NLRC5: variants seen among roughly 807,000 people sequenced by gnomAD.
The protein encoded by NLRC5 is NLR family CARD domain containing 5, also known as protein NLRC5.
NLRC5 carries 114 observed loss-of-function variants against 206.9 expected under a neutral mutation model. That is an observed-to-expected ratio of 0.55 (90% CI 0.47 to 0.64). NLRC5 has a LOEUF of 0.64. Ranked by LOEUF, NLRC5 falls within the 30% of genes least tolerant of loss-of-function variation. The pLI, the probability that NLRC5 is intolerant of heterozygous loss-of-function variation, is 0.00. For synonymous variants in NLRC5, 952 were observed against 962.8 expected (o/e 0.99, Z 0.21); for missense variants, 2,008 against 2,305.5 (o/e 0.87, Z 2.64).
At chr16:57,032,161 G>C (rs1418640767) in intron 11 of NLRC5, among the ~76,000 whole-genome samples, 1 of 151,986 alleles carries the variant, frequency 6.6e-6, no homozygotes, top group Admixed American at 6.6e-5. Context: ...TGTAATCCTA[G>C]CACTTTGGAA....
intron 1 of NLRC5, among the ~76,000 whole-genome samples, chr16:56,999,379 G>T (rs2057999872): frequency 6.6e-6 from 1 of 152,238 alleles, no homozygotes; most frequent in African/African-American, 2.4e-5. Flanking sequence ...AGAAGTCACT[G>T]CTGATTTGCC....
At chr16:57,067,992 T>C (rs568354299) in intron 36 of NLRC5, among the ~76,000 whole-genome samples, 164 bp downstream of exon 36, 1 of 152,366 alleles carries the variant, frequency 6.6e-6, no homozygotes, top group Non-Finnish European at 1.5e-5. Flanking sequence ...TACCTAGTCG[T>C]AAACATGACC....
At chr16:57,079,460 G>A (rs2068853817) in intron 45 of NLRC5, 86 bp from the exon 46 acceptor site, 1 of 1,402,386 alleles carries the variant, frequency 7.1e-7, no homozygotes, top group Non-Finnish European at 1.0e-6. Flanking sequence ...GCTTACCCCA[G>A]ACCCTGGTGG....
chr16:57,079,203 A>T lies in NLRC5; in HGVS notation c.5166-18A>T. 1 of 1,613,946 alleles carries T rather than the reference A, an allele frequency of 6.2e-7. No homozygotes were observed. Among genetic ancestry groups the T allele is most frequent in the South Asian group, 1.1e-5 (1 of 91,082 alleles). On this transcript the variant is annotated intron_variant, in intron 44 of 48. Transcript: ENST00000688547. ...GGGTCTGGGGGTTCCTCTCACAGGTATCTCCCCTACCCTGCAGCTTGGCGG... is the reference window on the plus strand; with the variant it reads ...GGGTCTGGGGGTTCCTCTCACAGGTTTCTCCCCTACCCTGCAGCTTGGCGG...
At chr16:57,008,013 T>G (rs1450949869) in intron 1 of NLRC5, among the ~76,000 whole-genome samples, 1 of 152,200 alleles carries the variant, frequency 6.6e-6, no homozygotes, top group African/African-American at 2.4e-5. Flanking sequence ...TTCATCCAGT[T>G]GTTTTTTTCT....
chr16:57,036,684 T>C (rs529320670), intron 14 of NLRC5, among the ~76,000 whole-genome samples: 11 of 151,714 alleles, frequency 7.3e-5, no homozygotes, highest in Non-Finnish European at 1.2e-4. Flanking sequence ...TTGGGGGTCT[T>C]AGGATCAAGT....
chr16:57,021,790 G>A (rs143144705), intron 3 of NLRC5, among the ~76,000 whole-genome samples: 222 of 152,316 alleles, frequency 1.5e-3, no homozygotes, highest in African/African-American at 5.0e-3. Flanking sequence ...GCACAGCACT[G>A]AGGGGAAACA....
intron 16 of NLRC5, 104 bp from the exon 17 acceptor site, chr16:57,040,546 T>C: frequency 9.0e-7 from 1 of 1,106,260 alleles, no homozygotes; most frequent in South Asian, 1.3e-5. Flanking sequence ...TGATTGACTC[T>C]AGGTGGAGGA....
chr16:57,001,428 G>C (rs2058233130), intron 1 of NLRC5, among the ~76,000 whole-genome samples: 1 of 152,164 alleles, frequency 6.6e-6, no homozygotes, highest in South Asian at 2.1e-4. Flanking sequence ...GGCAGAAACA[G>C]GATGGAAAGC....
At chr16:57,079,949 A>AGACC (rs1416428349) in intron 46 of NLRC5, among the ~76,000 whole-genome samples, 2 of 152,238 alleles carry the variant, frequency 1.3e-5, no homozygotes. Flanking sequence ...GCAACTGGAT[A>AGACC]GACCACCTTG....
At chr16:56,994,458 C>T (rs372867805) in intron 1 of NLRC5, among the ~76,000 whole-genome samples, 6 of 152,270 alleles carry the variant, frequency 3.9e-5, no homozygotes, top group South Asian at 2.1e-4. Flanking sequence ...GGGCTACAGC[C>T]GGGAACACAA....
chr16:57,034,462 A>G (rs754881092), intron 13 of NLRC5: 11 of 553,498 alleles, frequency 2.0e-5, no homozygotes, highest in South Asian at 4.6e-5. Context: ...CCTCGCATTC[A>G]CTCCTCACAT....
chr16:57,002,404 T>C (rs1407806266), intron 1 of NLRC5, among the ~76,000 whole-genome samples: 1 of 152,170 alleles, frequency 6.6e-6, no homozygotes, highest in East Asian at 1.9e-4. Context: ...TGCCTCAGCC[T>C]CCCACAGTGC....
chr16:57,040,557 T>C, intron 16 of NLRC5, 93 bp from the exon 17 acceptor site: 1 of 1,238,226 alleles, frequency 8.1e-7, no homozygotes, highest in South Asian at 1.2e-5. Flanking sequence ...AGGTGGAGGA[T>C]AGGGCTCGAT....
At chr16:57,036,865 T>A (rs914264230) in intron 14 of NLRC5, among the ~76,000 whole-genome samples, 9 of 152,266 alleles carry the variant, frequency 5.9e-5, no homozygotes, top group African/African-American at 1.9e-4. Context: ...AAACCATATA[T>A]GTACAAAGCC....
chr16:57,061,931 AAAGAAAG>A (rs2066556755), intron 32 of NLRC5: 18 of 671,970 alleles, frequency 2.7e-5, no homozygotes, highest in Non-Finnish European at 3.6e-5. Context: ...TTTAAGAAAA[AAAGAAAG>A]AAAGAAAGAA....
Position 57,002,845 on chromosome 16 carries a change from A to G in NLRC5, c.-128+13228A>G, listed in dbSNP as rs570566660. ...TTTTTAGTAGAGACAGGGTTTCACC[A>G]TGTTGGCGAGGATGGTCTCAATCTC... On this transcript the variant is annotated intron_variant, in intron 1 of 48. Transcript: ENST00000688547. Among the ~76,000 whole-genome samples the G allele has an allele frequency of 8.2e-4, 124 of 152,118 alleles. 3 individuals carry two copies. Among genetic ancestry groups the G allele is most frequent in the Admixed American group, 8.1e-3 (124 of 15,272 alleles).
intron 1 of NLRC5, among the ~76,000 whole-genome samples, chr16:57,008,239 A>AT (rs1303489254): frequency 6.6e-6 from 1 of 152,122 alleles, no homozygotes; most frequent in East Asian, 1.9e-4. Context: ...TAAAAGAGAA[A>AT]TTTTTTTAAA....
chr16:57,041,395 C>A (rs1336732722), intron 17 of NLRC5, 90 bp from the exon 18 acceptor site: 4 of 1,080,282 alleles, frequency 3.7e-6, no homozygotes, highest in Non-Finnish European at 5.6e-6. Flanking sequence ...AAGCCTCATT[C>A]TCTGCCTCTG....
Sources: allele counts gnomAD v4.1 joint callset (sites outside exome capture counted in the v4.1 genomes callset), GRCh38; gene constraint gnomAD v4.1.1; transcripts MANE v1.5; gene names NCBI Gene and HGNC (gene_info 2026-07-23, HGNC 2026-07-21).